Variants in TBC1D32 observed in about 807,000 individuals in gnomAD.
TBC1D32 encodes TBC1 domain family member 32.
In TBC1D32, 151 loss-of-function variants were observed where a neutral mutation model predicts 170.3. The observed-to-expected ratio is 0.89, with a 90% CI of 0.78 to 1.01. The LOEUF (loss-of-function observed/expected upper bound fraction) is 1.01, where lower values mean the gene tolerates loss of function less well. TBC1D32 is among the 50% of genes least tolerant of loss of function. The pLI is 0.00. For missense variants in TBC1D32, 1,464 were observed against 1,457.1 expected (o/e 1.00, Z -0.08); for synonymous variants, 498 against 488.0 (o/e 1.02, Z -0.27).
At chr6:121,290,700 C>T (rs924542217) in intron 12 of TBC1D32, among the ~76,000 whole-genome samples, 2 of 151,922 alleles carry the variant, frequency 1.3e-5, no homozygotes, top group Non-Finnish European at 2.9e-5. Context: ...CACATGCACA[C>T]ATATGTTTAT....
Position 121,303,723 on chromosome 6 carries a change from A to T in TBC1D32, c.974T>A (p.Leu325Ter). 1 of 1,583,990 alleles carries T rather than the reference A, an allele frequency of 6.3e-7. No homozygotes were observed. Among genetic ancestry groups the T allele is most frequent in the Non-Finnish European group, 8.6e-7 (1 of 1,160,834 alleles). Reference sequence around the variant, plus strand: ...ATGGCTTTGATTATGTTTAACTGTTAACAAGGACAAAGTACTCTCCACAAT... The same window carrying T: ...ATGGCTTTGATTATGTTTAACTGTTTACAAGGACAAAGTACTCTCCACAAT... ...EEIVESTLSL[L>*]TVKHNQSHVV... Residue 325 changes from leucine (L) to a stop codon, truncating the protein, a stop_gained, in exon 9 of 32, where the codon TTA (leucine) becomes TAA (stop). Transcript: ENST00000398212. LOFTEE classifies it high-confidence loss of function.
intron 25 of TBC1D32, among the ~76,000 whole-genome samples, chr6:121,130,310 C>T (rs142827615): frequency 0.012 from 1,882 of 152,010 alleles, 36 homozygotes; most frequent in African/African-American, 0.043. Flanking sequence ...GGTGAAACCC[C>T]GTCTCTACTA....
chr6:121,289,167 A>G (rs9385194), intron 12 of TBC1D32, among the ~76,000 whole-genome samples: 150,432 of 152,240 alleles, frequency 0.99, 74,359 homozygotes, highest in East Asian at 1. Flanking sequence ...CAATCAGGCA[A>G]GGGAAAGAAA....
chr6:121,111,815 ATCCTTGACTG>A (rs1240281161), intron 29 of TBC1D32, among the ~76,000 whole-genome samples: 1 of 152,176 alleles, frequency 6.6e-6, no homozygotes, highest in Non-Finnish European at 1.5e-5. Flanking sequence ...TCCTTAGTTT[ATCCTTGACTG>A]TCATGTGATT....
chr6:121,250,192 T>C (rs963133231), intron 17 of TBC1D32, among the ~76,000 whole-genome samples: 10 of 152,088 alleles, frequency 6.6e-5, no homozygotes, highest in African/African-American at 2.4e-4. Flanking sequence ...TTCTGCAATA[T>C]TCCAAACAAT....
intron 15 of TBC1D32, among the ~76,000 whole-genome samples, chr6:121,270,004 G>C (rs1301502487): frequency 2.0e-5 from 3 of 152,098 alleles, no homozygotes; most frequent in African/African-American, 7.2e-5. Context: ...ACCTGCTCCT[G>C]AATGACTACT....
intron 22 of TBC1D32, among the ~76,000 whole-genome samples, chr6:121,202,320 A>G (rs1453830921): frequency 5.3e-5 from 8 of 150,212 alleles, no homozygotes; most frequent in Non-Finnish European, 1.0e-4. Flanking sequence ...AACCGCAGCA[A>G]TAAGAGTGTG....
chr6:121,243,799 CA>C (rs1196776781), intron 17 of TBC1D32, among the ~76,000 whole-genome samples: 20 of 131,746 alleles, frequency 1.5e-4, no homozygotes, highest in East Asian at 2.2e-4. Context: ...GTTTGAAGAC[CA>C]AAAAAAAAAC....
chr6:121,121,248 T>C (rs1164513453), intron 26 of TBC1D32, among the ~76,000 whole-genome samples: 1 of 151,998 alleles, frequency 6.6e-6, no homozygotes, highest in Non-Finnish European at 1.5e-5. Flanking sequence ...TCGGGCATTA[T>C]CATGTGGATG....
chr6:121,269,691 T>G (rs1048616811), intron 15 of TBC1D32, among the ~76,000 whole-genome samples: 4 of 152,084 alleles, frequency 2.6e-5, no homozygotes, highest in Admixed American at 1.3e-4. Flanking sequence ...CTGTCAACAT[T>G]AGACAGATCA....
rs114338617 is a variant in TBC1D32, at chr6:121,186,217, G to A, written c.2570+18858C>T. Among the ~76,000 whole-genome samples, 692 of 152,126 alleles carry A rather than the reference G, an allele frequency of 4.5e-3. 7 individuals carry two copies. Among genetic ancestry groups the A allele is most frequent in the Admixed American group, 0.02 (301 of 15,230 alleles). ...ATCAATAGCAGAGTAAATTAACTGC[G>A]TTGGCTAGAGGAATTGATCATGATT... On this transcript the variant is annotated intron_variant, in intron 22 of 31. Transcript: ENST00000398212.
intron 27 of TBC1D32, among the ~76,000 whole-genome samples, chr6:121,114,364 T>C (rs1779486670): frequency 6.6e-6 from 1 of 152,226 alleles, no homozygotes; most frequent in Admixed American, 6.5e-5. Flanking sequence ...TAAGATATTA[T>C]ATTGAGTTAA....
chr6:121,112,717 C>A, intron 28 of TBC1D32, 58 bp from the exon 29 acceptor site: 1 of 1,324,002 alleles, frequency 7.6e-7, no homozygotes, highest in Non-Finnish European at 1.0e-6. Flanking sequence ...TATTAAAATT[C>A]TGTAAATAAA....
chr6:121,131,431 G>GA (rs900228652), intron 25 of TBC1D32, among the ~76,000 whole-genome samples, 196 bp downstream of exon 25: 33 of 151,106 alleles, frequency 2.2e-4, no homozygotes, highest in African/African-American at 6.8e-4. Context: ...GTTCCAAAAA[G>GA]AAAAAAACAA....
chr6:121,128,701 A>G (rs1489425804), intron 25 of TBC1D32, among the ~76,000 whole-genome samples: 1 of 152,162 alleles, frequency 6.6e-6, no homozygotes, highest in Non-Finnish European at 1.5e-5. Context: ...TATAATATTT[A>G]TATACTAAGA....
intron 26 of TBC1D32, among the ~76,000 whole-genome samples, chr6:121,116,944 T>C (rs938195048): frequency 3.9e-5 from 6 of 152,124 alleles, no homozygotes; most frequent in African/African-American, 1.4e-4. Flanking sequence ...CAGATAATGG[T>C]TCTAAACTAT....
chr6:121,261,692 CT>C (rs1179223403), intron 15 of TBC1D32, among the ~76,000 whole-genome samples: 1 of 152,142 alleles, frequency 6.6e-6, no homozygotes, highest in Non-Finnish European at 1.5e-5. Flanking sequence ...GAAAAAAATG[CT>C]GAAAACCCAA....
chr6:121,157,830 C>T (rs190312280), intron 24 of TBC1D32, among the ~76,000 whole-genome samples: 2 of 152,162 alleles, frequency 1.3e-5, no homozygotes, highest in Non-Finnish European at 2.9e-5. Context: ...GAAAATAGGC[C>T]TCCAATCTCT....
chr6:121,239,320 A>C (rs999795022), intron 19 of TBC1D32, 132 bp from the exon 20 acceptor site: 1 of 463,802 alleles, frequency 2.2e-6, no homozygotes, highest in African/African-American at 1.9e-5. Flanking sequence ...TTATATAAAA[A>C]ATAATCTCTT....
Sources: gnomAD v4.1 joint callset for allele counts (sites outside exome capture counted in the v4.1 genomes callset) on GRCh38, gnomAD v4.1.1 for gene constraint, MANE v1.5 for transcripts, NCBI Gene and HGNC (gene_info 2026-07-23, HGNC 2026-07-21) for gene names.